DLG1: variants seen among roughly 807,000 people sequenced by gnomAD.
The protein encoded by DLG1 is disks large homolog 1.
Under a neutral mutation model 123.4 loss-of-function variants are expected in DLG1, and 42 were observed. The observed-to-expected ratio is 0.34, with a 90% confidence interval of 0.27 to 0.44. The LOEUF is 0.44. Ranked by LOEUF, DLG1 falls within the 20% of genes least tolerant of loss-of-function variation. The pLI is 1.00. For synonymous variants in DLG1, 317 were observed against 356.2 expected (o/e 0.89, Z 1.24); for missense variants, 942 against 1,082.6 (o/e 0.87, Z 1.82).
intron 5 of DLG1, among the ~76,000 whole-genome samples, chr3:197,182,137 A>T (rs907481114): frequency 2.0e-5 from 3 of 152,104 alleles, no homozygotes; most frequent in Non-Finnish European, 4.4e-5. Flanking sequence ...AACCATATAT[A>T]TATATAAAAA....
intron 5 of DLG1, among the ~76,000 whole-genome samples, chr3:197,165,721 T>C (rs1417613235): frequency 1.3e-5 from 2 of 152,204 alleles, no homozygotes; most frequent in Admixed American, 1.3e-4. Flanking sequence ...ACCCATAGGT[T>C]CTGACTTCTG....
At chr3:197,096,990 ACTCT>A (rs1406691234) in intron 14 of DLG1, among the ~76,000 whole-genome samples, 46 of 152,090 alleles carry the variant, frequency 3.0e-4, no homozygotes, top group African/African-American at 1.1e-3. Context: ...CAGCTCTAGA[ACTCT>A]CTATTTTGTT....
At chr3:197,143,422 A>T (rs1789081251) in intron 6 of DLG1, among the ~76,000 whole-genome samples, 2 of 151,952 alleles carry the variant, frequency 1.3e-5, no homozygotes, top group African/African-American at 4.8e-5. Flanking sequence ...ACGCCCGGCT[A>T]ATTTTTTGTA....
chr3:197,208,970 A>G (rs1299635321), intron 4 of DLG1, among the ~76,000 whole-genome samples: 1 of 146,412 alleles, frequency 6.8e-6, no homozygotes, highest in African/African-American at 2.4e-5. Context: ...GTACACAGCT[A>G]GAAAATCCAA....
chr3:197,101,658 G>A (rs1206176241), intron 14 of DLG1, among the ~76,000 whole-genome samples: 1 of 152,116 alleles, frequency 6.6e-6, no homozygotes, highest in Admixed American at 6.5e-5. Context: ...CAAAATGCTG[G>A]GATTACAGGC....
At chr3:197,070,564 C>CTTTTTTTTTTTTTTTTTTTTT (rs1491200833) in intron 18 of DLG1, 1 of 44,924 alleles carries the variant, frequency 2.2e-5, no homozygotes. Context: ...CTGGAAATTT[C>CTTTTTTTTTTTTTTTTTTTTT]ATTTTTTTTT....
chr3:197,111,081 G>A (rs916030540), intron 13 of DLG1, among the ~76,000 whole-genome samples: 1 of 152,126 alleles, frequency 6.6e-6, no homozygotes, highest in Non-Finnish European at 1.5e-5. Flanking sequence ...ATTTCCTAGT[G>A]CTTTTAGGGC....
intron 4 of DLG1, among the ~76,000 whole-genome samples, chr3:197,276,103 A>G (rs1383761147): frequency 6.6e-6 from 1 of 152,228 alleles, no homozygotes; most frequent in Admixed American, 6.5e-5. Flanking sequence ...ACACAGTCAT[A>G]CTATGCCTCC....
At chr3:197,274,927 T>C (rs981659061) in intron 4 of DLG1, among the ~76,000 whole-genome samples, 3 of 152,342 alleles carry the variant, frequency 2.0e-5, no homozygotes, top group African/African-American at 7.2e-5. Context: ...GGCTCACGCC[T>C]GTAATCCCAG....
At chr3:197,176,978 TTTTTTATTTA>T (rs1807452987) in intron 5 of DLG1, among the ~76,000 whole-genome samples, 1 of 151,446 alleles carries the variant, frequency 6.6e-6, no homozygotes, top group Admixed American at 6.6e-5. Context: ...TTTTATATTA[TTTTTTATTTA>T]TTTTTATTTA....
chr3:197,272,822 C>G (rs1764481720), intron 4 of DLG1, among the ~76,000 whole-genome samples: 1 of 152,144 alleles, frequency 6.6e-6, no homozygotes, highest in African/African-American at 2.4e-5. Context: ...GGATGGTCCT[C>G]TGAGGAAGAG....
intron 4 of DLG1, among the ~76,000 whole-genome samples, chr3:197,207,081 G>A (rs1400421317): frequency 3.3e-5 from 5 of 152,216 alleles, no homozygotes; most frequent in African/African-American, 1.2e-4. Context: ...CTGCCTCTGT[G>A]ATGCGGTGGC....
chr3:197,178,425 A>G (rs574458863), intron 5 of DLG1, among the ~76,000 whole-genome samples: 3 of 152,332 alleles, frequency 2.0e-5, no homozygotes, highest in African/African-American at 7.2e-5. Context: ...ATTGAGACCA[A>G]TAAAACTAGA....
At chr3:197,270,440 AAAAGAAAGTAATGTAAACTTTAGCCTGTC>A (rs1269205023) in intron 4 of DLG1, among the ~76,000 whole-genome samples, 1 of 152,244 alleles carries the variant, frequency 6.6e-6, no homozygotes, top group Non-Finnish European at 1.5e-5. Context: ...ACTGATCATT[AAAAGAAAGTAATGTAAACTTTAGCCTGTC>A]TTTTTAGAAG....
chr3:197,074,555 T>C lies in DLG1; in HGVS notation c.2005+2031A>G, dbSNP rs546433671. ...GTTGATCCATACCACCTCTAAAGTA[T>C]GTTATCAATCTCAAAATAAATTCTA... On this transcript the variant is annotated intron_variant, in intron 18 of 24. Coordinates refer to ENST00000667157, the MANE Select transcript of DLG1 (RefSeq NM_001366207.1). Among the ~76,000 whole-genome samples, 3 of 152,202 alleles carry C rather than the reference T, an allele frequency of 2.0e-5. No homozygotes were observed. In the East Asian group the frequency reaches 5.8e-4, roughly 29 times the overall value.
At chr3:197,070,182 T>A (rs1233085216) in intron 18 of DLG1, 1 of 151,840 alleles carries the variant, frequency 6.6e-6, no homozygotes, top group Non-Finnish European at 1.5e-5. Context: ...CTTTTATTTT[T>A]AAAAAATAAA....
chr3:197,100,377 T>C (rs9826379), intron 14 of DLG1, among the ~76,000 whole-genome samples: 41,690 of 152,122 alleles, frequency 0.27, 6,403 homozygotes, highest in East Asian at 0.72. Context: ...CTCTAGACTC[T>C]GGTCACTTGC....
At chr3:197,167,512 G>A in intron 5 of DLG1, among the ~76,000 whole-genome samples, 1 of 152,152 alleles carries the variant, frequency 6.6e-6, no homozygotes. Context: ...TGTAATGAGA[G>A]TACAATACTT....
At chr3:197,181,435 A>G (rs1169725069) in intron 5 of DLG1, among the ~76,000 whole-genome samples, 2 of 152,188 alleles carry the variant, frequency 1.3e-5, no homozygotes, top group Non-Finnish European at 2.9e-5. Flanking sequence ...TATATGCTCT[A>G]AGTATGAAAT....
Sources: allele counts gnomAD v4.1 joint callset (sites outside exome capture counted in the v4.1 genomes callset), GRCh38; gene constraint gnomAD v4.1.1; transcripts MANE v1.5; gene names NCBI Gene and HGNC (gene_info 2026-07-23, HGNC 2026-07-21).